CYP2J2: variants seen among roughly 807,000 people sequenced by gnomAD.
CYP2J2 encodes the protein cytochrome P450 family 2 subfamily J member 2, also known as cytochrome P450 2J2.
CYP2J2 carries 41 observed loss-of-function variants against 48.8 expected under a neutral mutation model. The observed-to-expected ratio is 0.84, with a 90% CI of 0.66 to 1.09. The LOEUF (loss-of-function observed/expected upper bound fraction) is 1.09, where lower values mean the gene tolerates loss of function less well. Ranked by LOEUF, CYP2J2 falls within the 50% of genes least tolerant of loss-of-function variation. CYP2J2 has a pLI of 0.00. For missense variants in CYP2J2, 644 were observed against 617.3 expected (o/e 1.04, Z -0.46); for synonymous variants, 221 against 227.1 (o/e 0.97, Z 0.24).
At chr1:59,901,665 TTCCCAGA>T (rs1644320995) in intron 7 of CYP2J2, among the ~76,000 whole-genome samples, 1 of 151,992 alleles carries the variant, frequency 6.6e-6, no homozygotes, top group Non-Finnish European at 1.5e-5. Context: ...AACACAGGAG[TTCCCAGA>T]GGGAGCTTTT....
At chr1:59,909,048 T>A (rs1347688263) in intron 5 of CYP2J2, among the ~76,000 whole-genome samples, 1 of 152,160 alleles carries the variant, frequency 6.6e-6, no homozygotes, top group Non-Finnish European at 1.5e-5. Flanking sequence ...CCCCTTTGTG[T>A]ATACCTCCAA....
chr1:59,959,608 T>C, the CYP2J2 span, among the ~76,000 whole-genome samples: 1 of 151,272 alleles, frequency 6.6e-6, no homozygotes, highest in East Asian at 1.9e-4. Context: ...ATGTGCTATA[T>C]ATGTATATAT....
rs1479040571 is a variant in CYP2J2, at chr1:59,900,989, C to A, written c.1306G>T (p.Glu436Ter). ...FLENGQFKKR[E>*]AFMPFSIGKR... ...CCTATTGAGAAAGGCATAAAGGCTT[C>A]CCTTTTCTTAAACTGTCCATTCTCC... The change falls in exon 8 of 9, where the codon GAA (glutamate) becomes TAA (stop). Residue 436 changes from glutamate to a stop codon, truncating the protein, a stop_gained. Transcript: ENST00000371204. LOFTEE classifies it low-confidence loss of function (END_TRUNC). The A allele has an allele frequency of 6.2e-7, 1 of 1,614,042 alleles. No individual in the cohort carries two copies. The highest frequency in any genetic ancestry group is 2.2e-5 in the East Asian group (1 of 44,886).
chr1:59,961,698 C>T, the CYP2J2 span, among the ~76,000 whole-genome samples: 1 of 151,924 alleles, frequency 6.6e-6, no homozygotes, highest in Non-Finnish European at 1.5e-5. Context: ...TTCAGAGTAA[C>T]CAAAGAGTAG....
chr1:59,932,582 AAAG>A, the CYP2J2 span, among the ~76,000 whole-genome samples: 426 of 152,282 alleles, frequency 2.8e-3, 1 homozygote, highest in Non-Finnish European at 5.3e-3. Flanking sequence ...AGAACTAGTA[AAAG>A]AAGTTCTTTA....
the CYP2J2 span, among the ~76,000 whole-genome samples, chr1:59,953,455 T>C: frequency 6.6e-6 from 1 of 151,720 alleles, no homozygotes; most frequent in Admixed American, 6.6e-5. Flanking sequence ...GCAGTGATAA[T>C]TGGTATGAAG....
At chr1:59,926,943 C>T (rs937959619), upstream of CYP2J2, among the ~76,000 whole-genome samples, 34 of 152,336 alleles carry the variant, frequency 2.2e-4, no homozygotes, top group Middle Eastern at 3.4e-3. Context: ...GGAGCAGTTT[C>T]TTTTCTATTT....
chr1:59,949,558 C>T, the CYP2J2 span, among the ~76,000 whole-genome samples: 1 of 152,210 alleles, frequency 6.6e-6, no homozygotes, highest in Non-Finnish European at 1.5e-5. Context: ...AATAAGTGAA[C>T]ACCAATATCT....
intron 6 of CYP2J2, 48 bp downstream of exon 6, chr1:59,907,738 G>A (rs762483169): frequency 6.2e-7 from 1 of 1,606,194 alleles, no homozygotes; most frequent in Admixed American, 1.7e-5. Flanking sequence ...GCACATCCCA[G>A]GAGGCACTAT....
intron 8 of CYP2J2, among the ~76,000 whole-genome samples, chr1:59,899,223 A>T (rs931952685): frequency 2.0e-5 from 3 of 152,256 alleles, no homozygotes; most frequent in African/African-American, 7.2e-5. Context: ...GGAACATAAC[A>T]GCCGAAACTT....
At chr1:59,960,037 A>T in the CYP2J2 span, among the ~76,000 whole-genome samples, 1 of 152,112 alleles carries the variant, frequency 6.6e-6, no homozygotes, top group Non-Finnish European at 1.5e-5. Context: ...CTCCCCCAAA[A>T]CCTATTGAAA....
In CYP2J2 at chr1:59,901,048, GCCCACTCTGTGGGGT is replaced by G. The variant is rs1559072570; in HGVS notation, c.1232_1246del (p.Asp411_Trp415del). On this transcript the variant is annotated inframe_deletion, in exon 8 of 9. Coordinates refer to ENST00000371204, the MANE Select transcript of CYP2J2 (RefSeq NM_000775.4). ...GTCCGGATTGAATGTGTCAGGGGTG[GCCCACTCTGTGGGGT>G]CCCTGTGCAGCGCCGTCAAATTGGT... The G allele has an allele frequency of 1.9e-6, 3 of 1,614,026 alleles. No homozygotes were observed. Among genetic ancestry groups the G allele is most frequent in the South Asian group, 2.2e-5 (2 of 91,072 alleles).
chr1:59,954,364 G>A, the CYP2J2 span, among the ~76,000 whole-genome samples: 4 of 152,104 alleles, frequency 2.6e-5, no homozygotes, highest in South Asian at 2.1e-4. Flanking sequence ...GTACCTATCT[G>A]TCTACATCTC....
At chr1:59,961,768 TATTATA>T in the CYP2J2 span, among the ~76,000 whole-genome samples, 23 of 152,108 alleles carry the variant, frequency 1.5e-4, no homozygotes, top group African/African-American at 5.6e-4. Context: ...ATCCATACAA[TATTATA>T]ATTATATAAT....
Position 59,907,888 on chromosome 1 carries a change from G to C in CYP2J2, c.901C>G (p.Leu301Val). ...AAGAGGTCCAGGGTGCTGCAGATGA[G>C]GTTTTCTTCATGGAAACTTGAAGTA... ...NPTSSFHEEN[L>V]ICSTLDLFFA... The change falls in exon 6 of 9, where the codon CTC (leucine) becomes GTC (valine). Residue 301 changes from leucine to valine, a missense_variant. Transcript: ENST00000371204. 1 of 1,613,918 alleles carries C rather than the reference G, an allele frequency of 6.2e-7. No individual in the cohort carries two copies. The highest frequency in any genetic ancestry group is 8.5e-7 in the Non-Finnish European group (1 of 1,179,894).
At chr1:59,952,467 G>A in the CYP2J2 span, among the ~76,000 whole-genome samples, 1 of 152,106 alleles carries the variant, frequency 6.6e-6, no homozygotes. Flanking sequence ...GAATCCAGAA[G>A]ACAACATACA....
At chr1:59,929,768 G>C (rs1574266656), upstream of CYP2J2, among the ~76,000 whole-genome samples, 1 of 152,058 alleles carries the variant, frequency 6.6e-6, no homozygotes, top group African/African-American at 2.4e-5. Context: ...AGAAATGTGG[G>C]ACATCACTAA....
upstream of CYP2J2, chr1:59,926,865 A>AC: frequency 1.1e-6 from 1 of 908,468 alleles, no homozygotes; most frequent in South Asian, 1.7e-5. Context: ...CCTTCGCAGC[A>AC]CCCTGCGAAG....
the CYP2J2 span, among the ~76,000 whole-genome samples, chr1:59,958,965 C>T: frequency 5.3e-5 from 8 of 152,216 alleles, no homozygotes; most frequent in South Asian, 1.7e-3. Context: ...ACCTTATCTG[C>T]CCACTTTTTA....
Sources: gnomAD v4.1 joint callset for allele counts (sites outside exome capture counted in the v4.1 genomes callset) on GRCh38, gnomAD v4.1.1 for gene constraint, MANE v1.5 for transcripts, NCBI Gene and HGNC (gene_info 2026-07-23, HGNC 2026-07-21) for gene names.